SGCD: variants seen among roughly 807,000 people sequenced by gnomAD.
The protein encoded by SGCD is sarcoglycan delta.
In SGCD, 18 loss-of-function variants were observed where a neutral mutation model predicts 36.6. The ratio of observed to expected loss-of-function variants is 0.49; its 90% CI spans 0.34 to 0.73. The LOEUF (loss-of-function observed/expected upper bound fraction) is 0.73, where lower values mean the gene tolerates loss of function less well. Ranked by LOEUF, SGCD falls within the 30% of genes least tolerant of loss-of-function variation. The probability of loss-of-function intolerance (pLI) is 0.01; values close to 1 mark genes in which losing one functional copy is unlikely to be tolerated. For synonymous variants in SGCD, 133 were observed against 130.6 expected (o/e 1.02, Z -0.12); for missense variants, 387 against 346.7 (o/e 1.12, Z -0.92).
the SGCD span, among the ~76,000 whole-genome samples, chr5:155,798,345 G>T: frequency 6.6e-6 from 1 of 152,136 alleles, no homozygotes; most frequent in Non-Finnish European, 1.5e-5. Flanking sequence ...TAGCCACGTG[G>T]TTATACATTT....
At chr5:155,916,841 T>C (rs1580989431) in intron 1 of SGCD, among the ~76,000 whole-genome samples, 1 of 152,200 alleles carries the variant, frequency 6.6e-6, no homozygotes. Context: ...AAATGTCTAC[T>C]GAAGTGAGAA....
At chr5:156,396,249 G>C (rs1771842170) in intron 3 of SGCD, among the ~76,000 whole-genome samples, 1 of 152,306 alleles carries the variant, frequency 6.6e-6, no homozygotes, top group South Asian at 2.1e-4. Context: ...CGATTTCTCA[G>C]CTTCTCTCCA....
the SGCD span, among the ~76,000 whole-genome samples, chr5:155,768,366 A>G: frequency 1.3e-5 from 2 of 151,704 alleles, no homozygotes; most frequent in Admixed American, 6.6e-5. Flanking sequence ...TCCTGCATTC[A>G]TCCATGCAAC....
chr5:156,511,629 C>T (rs1581099318), intron 4 of SGCD, among the ~76,000 whole-genome samples: 1 of 152,206 alleles, frequency 6.6e-6, no homozygotes, highest in Admixed American at 6.5e-5. Context: ...GAAAGACCTC[C>T]TTCACCCAAT....
Position 155,906,868 on chromosome 5 carries a change from T to C in SGCD, c.-282+36444T>C, listed in dbSNP as rs758820850. On this transcript the variant is annotated intron_variant, in intron 1 of 9. Transcript: ENST00000517913. ...CAGAAGATCTAGCTGAAATCATTGA[T>C]GAAGGTGGCTACATGCAGCAACAGA... Among the ~76,000 whole-genome samples the C allele has an allele frequency of 7.4e-4, 112 of 151,324 alleles. 1 individual carries two copies. The highest frequency in any genetic ancestry group is 1.3e-3 in the African/African-American group (52 of 40,754).
the SGCD span, among the ~76,000 whole-genome samples, chr5:155,781,383 T>C: frequency 2.0e-5 from 3 of 152,186 alleles, no homozygotes; most frequent in East Asian, 5.8e-4. Context: ...GGGAAGGACA[T>C]GGGAAGACGG....
intron 1 of SGCD, among the ~76,000 whole-genome samples, chr5:155,883,870 A>G (rs547443352): frequency 6.6e-6 from 1 of 151,210 alleles, no homozygotes; most frequent in African/African-American, 2.4e-5. Context: ...GAGGTATGCC[A>G]TTTTTTGAAA....
At chr5:156,191,672 A>AT (rs1763898554) in intron 3 of SGCD, among the ~76,000 whole-genome samples, 1 of 152,148 alleles carries the variant, frequency 6.6e-6, no homozygotes, top group African/African-American at 2.4e-5. Flanking sequence ...CTTAGTGGCT[A>AT]TACAGGTGCA....
intron 3 of SGCD, among the ~76,000 whole-genome samples, chr5:156,374,571 T>TA (rs942176002): frequency 1.3e-5 from 2 of 151,388 alleles, no homozygotes; most frequent in Non-Finnish European, 1.5e-5. Context: ...TGATTTTTGC[T>TA]AAAAAACAAA....
At chr5:155,869,486 T>C (rs244994), upstream of SGCD, among the ~76,000 whole-genome samples, 83,598 of 151,884 alleles carry the variant, frequency 0.55, 24,935 homozygotes, top group African/African-American at 0.79. Context: ...GGAACATTGT[T>C]ATTATACCCA....
chr5:156,211,960 G>C (rs1764453500), intron 3 of SGCD, among the ~76,000 whole-genome samples: 1 of 151,744 alleles, frequency 6.6e-6, no homozygotes, highest in African/African-American at 2.4e-5. Context: ...ATAATTTTAA[G>C]ATGTTTTATG....
chr5:156,500,154 A>T (rs953514886), intron 3 of SGCD, among the ~76,000 whole-genome samples: 5 of 152,184 alleles, frequency 3.3e-5, no homozygotes, highest in African/African-American at 1.2e-4. Context: ...GGTTGGGAAT[A>T]CATACTCTAA....
intron 7 of SGCD, among the ~76,000 whole-genome samples, chr5:156,729,925 A>C (rs1226440977): frequency 6.6e-6 from 1 of 152,226 alleles, no homozygotes; most frequent in Non-Finnish European, 1.5e-5. Flanking sequence ...GAGGCCAAGT[A>C]AAATGAAATT....
At chr5:155,775,281 G>A in the SGCD span, among the ~76,000 whole-genome samples, 7 of 152,112 alleles carry the variant, frequency 4.6e-5, no homozygotes, top group East Asian at 1.2e-3. Flanking sequence ...CTATTAGACT[G>A]TAAGCTTCTT....
At chr5:156,294,416 A>G (rs1391155995) in intron 3 of SGCD, among the ~76,000 whole-genome samples, 4 of 152,098 alleles carry the variant, frequency 2.6e-5, no homozygotes, top group Non-Finnish European at 5.9e-5. Context: ...GGTCAACATA[A>G]AGACCAAGTC....
At chr5:155,745,015 C>T in the SGCD span, among the ~76,000 whole-genome samples, 1 of 152,160 alleles carries the variant, frequency 6.6e-6, no homozygotes, top group South Asian at 2.1e-4. Context: ...GCAAAGGAAC[C>T]ATGAGTAATA....
At chr5:156,706,437 C>A (rs1185787812) in intron 7 of SGCD, among the ~76,000 whole-genome samples, 1 of 152,082 alleles carries the variant, frequency 6.6e-6, no homozygotes, top group Non-Finnish European at 1.5e-5. Context: ...GTAGCTGTAT[C>A]TCCTTAACCC....
the SGCD span, among the ~76,000 whole-genome samples, chr5:155,733,721 ATGGT>A: frequency 6.6e-6 from 1 of 152,006 alleles, no homozygotes; most frequent in African/African-American, 2.4e-5. Context: ...GAAACACTTA[ATGGT>A]TAAGTTGGGC....
At chr5:155,827,465 A>T in the SGCD span, among the ~76,000 whole-genome samples, 1 of 152,098 alleles carries the variant, frequency 6.6e-6, no homozygotes, top group Non-Finnish European at 1.5e-5. Context: ...GCTATGACAT[A>T]ACATATACAT....
Sources: allele counts gnomAD v4.1 joint callset (sites outside exome capture counted in the v4.1 genomes callset), GRCh38; gene constraint gnomAD v4.1.1; transcripts MANE v1.5; gene names NCBI Gene and HGNC (gene_info 2026-07-23, HGNC 2026-07-21).